The following ANGPT1 variants were observed in gnomAD, a reference collection of about 807,000 sequenced individuals.
ANGPT1 encodes the protein angiopoietin 1, also known as angiopoietin-1.
In ANGPT1, 17 loss-of-function variants were observed where a neutral mutation model predicts 62.2. The ratio of observed to expected loss-of-function variants is 0.27; its 90% confidence interval spans 0.19 to 0.41. ANGPT1 has a LOEUF of 0.41. ANGPT1 is among the 10% of genes least tolerant of loss of function. ANGPT1 has a pLI of 1.00. For synonymous variants in ANGPT1, 199 were observed against 198.9 expected (o/e 1.00, Z 0.00); for missense variants, 478 against 594.9 (o/e 0.80, Z 2.04).
intron 1 of ANGPT1, among the ~76,000 whole-genome samples, chr8:107,485,613 C>T (rs1434793987): frequency 2.0e-5 from 3 of 152,090 alleles, no homozygotes; most frequent in Admixed American, 1.3e-4. Flanking sequence ...TTAATAGGGA[C>T]AATGATAAAT....
At chr8:107,256,959 C>A (rs188511125) in intron 8 of ANGPT1, among the ~76,000 whole-genome samples, 1 of 152,234 alleles carries the variant, frequency 6.6e-6, no homozygotes, top group East Asian at 1.9e-4. Flanking sequence ...CGGGTTCAAG[C>A]CATTCTCCTG....
intron 5 of ANGPT1, chr8:107,294,698 T>C (rs993063196): frequency 2.6e-5 from 4 of 152,226 alleles, no homozygotes; most frequent in African/African-American, 9.6e-5. Flanking sequence ...AATAACTTCT[T>C]TCCCATGTGG....
chr8:107,374,488 C>A (rs1287306203), intron 1 of ANGPT1, among the ~76,000 whole-genome samples: 1 of 152,176 alleles, frequency 6.6e-6, no homozygotes, highest in Non-Finnish European at 1.5e-5. Context: ...CCAAGGCAGC[C>A]AGCCAAGGGT....
intron 1 of ANGPT1, among the ~76,000 whole-genome samples, chr8:107,409,300 C>G (rs1201538881): frequency 6.6e-6 from 1 of 152,168 alleles, no homozygotes; most frequent in African/African-American, 2.4e-5. Flanking sequence ...GAAAATATCA[C>G]TCTTGCACAG....
intron 8 of ANGPT1, among the ~76,000 whole-genome samples, chr8:107,257,878 T>G (rs1813397880): frequency 1.2e-5 from 1 of 85,646 alleles, no homozygotes; most frequent in African/African-American, 5.2e-5. Flanking sequence ...TTGTTTTTGT[T>G]TCTTTTTTGT....
intron 3 of ANGPT1, among the ~76,000 whole-genome samples, chr8:107,331,153 C>A (rs887970068): frequency 6.6e-6 from 1 of 152,028 alleles, no homozygotes; most frequent in African/African-American, 2.4e-5. Flanking sequence ...TTTTTCATTT[C>A]TTTAGGCATA....
chr8:107,471,445 A>T (rs57147491), intron 1 of ANGPT1, among the ~76,000 whole-genome samples: 2 of 152,190 alleles, frequency 1.3e-5, no homozygotes, highest in South Asian at 2.1e-4. Flanking sequence ...TAGAAGAAAT[A>T]CCTAATGTAG....
At chr8:107,356,834 T>A (rs1816057041) in intron 1 of ANGPT1, among the ~76,000 whole-genome samples, 1 of 152,200 alleles carries the variant, frequency 6.6e-6, no homozygotes, top group Non-Finnish European at 1.5e-5. Context: ...GGGCACAGCA[T>A]CAGAGTTTTA....
intron 8 of ANGPT1, among the ~76,000 whole-genome samples, chr8:107,252,501 A>C (rs1453484071): frequency 3.3e-5 from 5 of 152,232 alleles, no homozygotes; most frequent in Non-Finnish European, 7.3e-5. Context: ...TCTACTGCAT[A>C]TGTTTGTCAA....
At chr8:107,489,658 T>C (rs1364638284) in intron 1 of ANGPT1, among the ~76,000 whole-genome samples, 1 of 152,142 alleles carries the variant, frequency 6.6e-6, no homozygotes, top group Non-Finnish European at 1.5e-5. Flanking sequence ...TACATGGAAA[T>C]AGCCTCCAAA....
intron 2 of ANGPT1, among the ~76,000 whole-genome samples, chr8:107,341,336 G>C (rs1191457065): frequency 2.0e-5 from 3 of 152,046 alleles, no homozygotes; most frequent in Admixed American, 6.6e-5. Flanking sequence ...GACAAATGCA[G>C]AACGTGAAAT....
rs1226749118 is a variant in ANGPT1 at position 107,251,286 on chromosome 8, T to C, written c.*569A>G. On this transcript the variant is annotated 3_prime_UTR_variant, in exon 9 of 9. Transcript: ENST00000517746. ...GTAAGCAGAAATCAACTAGTAAGTA[T>C]GATACTGGAATTAGGCTTCTGAAAT... 3 of 152,914 alleles carry C rather than the reference T, an allele frequency of 2.0e-5. No individual in the cohort carries two copies. The highest frequency in any genetic ancestry group is 4.4e-5 in the Non-Finnish European group (3 of 68,278). 9.5% of individuals were successfully genotyped at this position (152,914 alleles called of 1,614,324 possible). A position where few individuals can be genotyped will look rare whatever the true frequency, so the allele number is the denominator to read the frequency against.
At chr8:107,300,297 C>G (rs1407393991) in intron 5 of ANGPT1, among the ~76,000 whole-genome samples, 1 of 151,106 alleles carries the variant, frequency 6.6e-6, no homozygotes, top group African/African-American at 2.4e-5. Context: ...TTGTTCTTAC[C>G]AGTGCTATGC....
chr8:107,493,195 C>T (rs1415390493), intron 1 of ANGPT1, among the ~76,000 whole-genome samples: 1 of 150,128 alleles, frequency 6.7e-6, no homozygotes, highest in Non-Finnish European at 1.5e-5. Flanking sequence ...AATGGATAAG[C>T]GACATTTACT....
intron 1 of ANGPT1, among the ~76,000 whole-genome samples, chr8:107,485,980 G>A (rs906597869): frequency 3.9e-5 from 6 of 152,146 alleles, no homozygotes; most frequent in African/African-American, 1.2e-4. Flanking sequence ...GGGATTCTGC[G>A]GTCTGTTAAC....
chr8:107,355,972 C>G (rs1816036639), intron 1 of ANGPT1, among the ~76,000 whole-genome samples: 1 of 152,128 alleles, frequency 6.6e-6, no homozygotes, highest in Non-Finnish European at 1.5e-5. Flanking sequence ...AGTGGGGTCT[C>G]AATACCATTT....
At chr8:107,284,481 T>C (rs1436051403) in intron 7 of ANGPT1, 7 of 363,198 alleles carry the variant, frequency 1.9e-5, no homozygotes, top group Middle Eastern at 7.4e-4. Context: ...TCAAAGATAG[T>C]CAACCTACGA....
chr8:107,284,480 G>C (rs1350643595), intron 7 of ANGPT1: 3 of 360,108 alleles, frequency 8.3e-6, no homozygotes, highest in Non-Finnish European at 1.4e-5. Context: ...ATCAAAGATA[G>C]TCAACCTACG....
intron 1 of ANGPT1, among the ~76,000 whole-genome samples, chr8:107,349,431 C>T (rs986029033): frequency 1.1e-4 from 16 of 151,988 alleles, no homozygotes; most frequent in Non-Finnish European, 1.3e-4. Flanking sequence ...GGGAGGAAAA[C>T]GTTAAGAGAA....
Sources: allele counts gnomAD v4.1 joint callset (sites outside exome capture counted in the v4.1 genomes callset), GRCh38; gene constraint gnomAD v4.1.1; transcripts MANE v1.5; gene names NCBI Gene and HGNC (gene_info 2026-07-23, HGNC 2026-07-21).